Variants in XRCC4 observed in about 807,000 individuals in gnomAD.
XRCC4 encodes the protein DNA repair protein XRCC4.
Under a neutral mutation model 39.1 loss-of-function variants are expected in XRCC4, and 28 were observed. That is an observed-to-expected ratio of 0.72 (90% CI 0.53 to 0.98). The LOEUF is 0.98. Among genes scored for constraint, XRCC4 ranks in the 50% least tolerant of loss-of-function variants. The pLI, the probability that XRCC4 is intolerant of heterozygous loss-of-function variation, is 0.00. For synonymous variants in XRCC4, 123 were observed against 126.4 expected (o/e 0.97, Z 0.18); for missense variants, 350 against 376.4 (o/e 0.93, Z 0.58).
chr5:83,117,359 C>T (rs1746773388), intron 3 of XRCC4, among the ~76,000 whole-genome samples: 1 of 152,166 alleles, frequency 6.6e-6, no homozygotes, highest in South Asian at 2.1e-4. Flanking sequence ...AACAATTTAT[C>T]CTGATTTTGC....
At chr5:83,087,614 G>A (rs1745240957) in intron 1 of XRCC4, among the ~76,000 whole-genome samples, 1 of 151,758 alleles carries the variant, frequency 6.6e-6, no homozygotes, top group Non-Finnish European at 1.5e-5. Context: ...AGTGAGCCGA[G>A]ATGGTGCCAC....
At chr5:83,299,106 A>G (rs1047458481) in intron 7 of XRCC4, among the ~76,000 whole-genome samples, 1 of 152,086 alleles carries the variant, frequency 6.6e-6, no homozygotes, top group African/African-American at 2.4e-5. Flanking sequence ...GTTTCCTTCA[A>G]TGAAGTTCCA....
At chr5:83,337,335 G>A (rs192491511) in intron 7 of XRCC4, among the ~76,000 whole-genome samples, 9 of 152,258 alleles carry the variant, frequency 5.9e-5, no homozygotes, top group African/African-American at 2.2e-4. Flanking sequence ...CCATTGAGAG[G>A]TAGTTTCAAT....
chr5:83,169,124 G>T (rs1749616020), intron 3 of XRCC4, among the ~76,000 whole-genome samples: 1 of 152,058 alleles, frequency 6.6e-6, no homozygotes, highest in Non-Finnish European at 1.5e-5. Flanking sequence ...AATCTGAATT[G>T]TTTGTAATAT....
At position 83,136,953 on chromosome 5, in the gene XRCC4, C is replaced by A. The variant is rs375356570; in HGVS notation, c.315+25750C>A. 6.6e-5 allele frequency among the ~76,000 whole-genome samples: 10 copies of A among 152,260 alleles called. No homozygotes were observed. The South Asian group carries it at 1.2e-3, about 19-fold the overall frequency. On this transcript the variant is annotated intron_variant, in intron 3 of 7. Coordinates refer to ENST00000396027, the MANE Select transcript of XRCC4 (RefSeq NM_003401.5). ...GAGGATGGATCCTGTGTTCTCTTCA[C>A]AAACACACACAAAAGAGGTAACCGT...
At chr5:83,298,582 C>T (rs1237251828) in intron 7 of XRCC4, among the ~76,000 whole-genome samples, 1 of 148,446 alleles carries the variant, frequency 6.7e-6, no homozygotes, top group Non-Finnish European at 1.5e-5. Flanking sequence ...TGTTTATTCA[C>T]CCTTGTTACT....
At chr5:83,280,443 A>G in intron 7 of XRCC4, 1 of 690,564 alleles carries the variant, frequency 1.4e-6, no homozygotes, top group South Asian at 1.6e-5. Flanking sequence ...TTTTGAAGAA[A>G]GTTCTTGCAC....
intron 3 of XRCC4, among the ~76,000 whole-genome samples, chr5:83,138,495 T>C (rs1011474217): frequency 2.8e-4 from 43 of 152,072 alleles, no homozygotes; most frequent in African/African-American, 9.4e-4. Context: ...AATTTTCTGG[T>C]AGGGTAACAT....
Position 83,148,047 on chromosome 5 carries a change from C to T in XRCC4, c.315+36844C>T, listed in dbSNP as rs187855372. ...AGGTGATTCGCCCTCCTCGGCCTCC[C>T]AAAGTGCTGGACGTCATCTTATATG... On this transcript the variant is annotated intron_variant, in intron 3 of 7. Transcript: ENST00000396027. Among the ~76,000 whole-genome samples, 146 of 152,260 alleles carry T rather than the reference C, an allele frequency of 9.6e-4. 1 individual carries two copies. The highest frequency in any genetic ancestry group is 1.4e-3 in the Non-Finnish European group (98 of 68,010).
intron 7 of XRCC4, among the ~76,000 whole-genome samples, chr5:83,265,651 T>C (rs1305669286): frequency 6.6e-6 from 1 of 152,186 alleles, no homozygotes; most frequent in Non-Finnish European, 1.5e-5. Context: ...TATGTTTGCC[T>C]GAATAGATTT....
intron 7 of XRCC4, among the ~76,000 whole-genome samples, chr5:83,310,138 G>C (rs1755656043): frequency 6.6e-6 from 1 of 152,150 alleles, no homozygotes; most frequent in Non-Finnish European, 1.5e-5. Context: ...AAAGGCATCT[G>C]GCTACAGGAT....
At chr5:83,130,306 C>A (rs570345248) in intron 3 of XRCC4, among the ~76,000 whole-genome samples, 16 of 152,274 alleles carry the variant, frequency 1.1e-4, no homozygotes, top group African/African-American at 3.4e-4. Flanking sequence ...CCTTGCATCC[C>A]AGGGATGAAG....
At chr5:83,300,881 C>A (rs968081674) in intron 7 of XRCC4, among the ~76,000 whole-genome samples, 1 of 152,124 alleles carries the variant, frequency 6.6e-6, no homozygotes, top group South Asian at 2.1e-4. Context: ...TTTCCAGGTT[C>A]ATCCATGTCC....
At chr5:83,368,077 G>GAA in the XRCC4 span, among the ~76,000 whole-genome samples, 7,705 of 142,212 alleles carry the variant, frequency 0.054, 625 homozygotes, top group African/African-American at 0.18. Flanking sequence ...ACCCCAATAA[G>GAA]AAAAAAAAAA....
intron 1 of XRCC4, among the ~76,000 whole-genome samples, chr5:83,091,598 A>C (rs1169564572): frequency 6.6e-6 from 1 of 152,202 alleles, no homozygotes; most frequent in Non-Finnish European, 1.5e-5. Context: ...TTATACATAT[A>C]AGTGAGAACT....
intron 6 of XRCC4, among the ~76,000 whole-genome samples, chr5:83,243,982 T>C (rs1005532049): frequency 6.6e-6 from 1 of 152,100 alleles, no homozygotes; most frequent in Non-Finnish European, 1.5e-5. Context: ...GGAAGTAATA[T>C]TGGAGATGTG....
At chr5:83,259,889 G>T (rs745633000) in intron 7 of XRCC4, among the ~76,000 whole-genome samples, 3 of 152,042 alleles carry the variant, frequency 2.0e-5, no homozygotes, top group Non-Finnish European at 4.4e-5. Context: ...TAGACAATAA[G>T]GATGCAAAGA....
At chr5:83,179,924 A>T (rs762395712) in intron 3 of XRCC4, among the ~76,000 whole-genome samples, 67 of 152,166 alleles carry the variant, frequency 4.4e-4, no homozygotes, top group Non-Finnish European at 7.6e-4. Context: ...TTGATCTGGA[A>T]TTTTTTTACT....
chr5:83,334,078 T>C (rs1458715828), intron 7 of XRCC4, among the ~76,000 whole-genome samples: 2 of 152,196 alleles, frequency 1.3e-5, no homozygotes, highest in East Asian at 1.9e-4. Context: ...TAAACCTTTT[T>C]TTTCTTTCCA....
Sources: allele counts gnomAD v4.1 joint callset (sites outside exome capture counted in the v4.1 genomes callset), GRCh38; gene constraint gnomAD v4.1.1; transcripts MANE v1.5; gene names NCBI Gene and HGNC (gene_info 2026-07-23, HGNC 2026-07-21).